MAP6D1: variants seen among roughly 807,000 people sequenced by gnomAD.
The protein encoded by MAP6D1 is MAP6 domain containing 1, also known as MAP6 domain-containing protein 1.
In MAP6D1, 13 loss-of-function variants were observed where a neutral mutation model predicts 17.4. The observed-to-expected ratio is 0.75, with a 90% CI of 0.49 to 1.19. The LOEUF is 1.19. Among genes scored for constraint, MAP6D1 ranks in the 50% most tolerant of loss-of-function variants. MAP6D1 has a pLI of 0.00. For missense variants in MAP6D1, 313 were observed against 312.6 expected, an observed-to-expected ratio of 1.00 and a Z score of -0.01; for synonymous variants, 141 against 145.7, an observed-to-expected ratio of 0.97 and a Z score of 0.23.
intron 1 of MAP6D1, among the ~76,000 whole-genome samples, chr3:183,820,772 T>C (rs1211917340): frequency 2.7e-5 from 4 of 150,204 alleles, no homozygotes; most frequent in Non-Finnish European, 5.9e-5. Context: ...CCAGGCATGG[T>C]GGCGGGCGCC....
chr3:183,823,682 G>A (rs1395406743), intron 1 of MAP6D1, among the ~76,000 whole-genome samples: 3 of 152,030 alleles, frequency 2.0e-5, no homozygotes, highest in African/African-American at 4.8e-5. Context: ...CCAGCTACTC[G>A]GGAGGCTGAG....
chr3:183,818,761 A>G lies in MAP6D1; in HGVS notation c.402-650T>C, dbSNP rs369312693. 1.4e-4 allele frequency among the ~76,000 whole-genome samples: 21 copies of G among 152,332 alleles called. 1 individual carries two copies. Among genetic ancestry groups the G allele is most frequent in the Admixed American group, 5.2e-4 (8 of 15,308 alleles). On this transcript the variant is annotated intron_variant, in intron 1 of 2. Coordinates refer to ENST00000318631, the MANE Select transcript of MAP6D1 (RefSeq NM_024871.4). ...GCAGTGACCATCTCAAAAGACTCCAAGGTGGCCTGGCCTTTGCACAGCTCT... is the reference window on the plus strand; with the variant it reads ...GCAGTGACCATCTCAAAAGACTCCAGGGTGGCCTGGCCTTTGCACAGCTCT...
At chr3:183,822,470 A>G (rs1234839057) in intron 1 of MAP6D1, among the ~76,000 whole-genome samples, 2 of 151,896 alleles carry the variant, frequency 1.3e-5, no homozygotes, top group Non-Finnish European at 2.9e-5. Flanking sequence ...CCCCCCAAAA[A>G]CCCAACTGTA....
chr3:183,816,343 G>C lies in MAP6D1; in HGVS notation c.*1013C>G, dbSNP rs975919519. The C allele has an allele frequency of 6.6e-6, 1 of 152,258 alleles. No homozygotes were observed. Among genetic ancestry groups the C allele is most frequent in the African/African-American group, 2.4e-5 (1 of 41,452 alleles). The allele number at this position is 152,258 out of a possible 1,614,324, so 9.4% of individuals were successfully genotyped here. On this transcript the variant is annotated 3_prime_UTR_variant, in exon 3 of 3. Transcript: ENST00000318631. ...CCTTACTGAAGACTGTCCTGAGCTTGTACCTCTAAGCTTTAAAAAGAGACG... is the reference window on the plus strand; with the variant it reads ...CCTTACTGAAGACTGTCCTGAGCTTCTACCTCTAAGCTTTAAAAAGAGACG...
At chr3:183,822,284 CACACACACA>C (rs1445807154) in intron 1 of MAP6D1, among the ~76,000 whole-genome samples, 6 of 143,876 alleles carry the variant, frequency 4.2e-5, no homozygotes, top group African/African-American at 1.3e-4. Context: ...CACACACACA[CACACACACA>C]AAACCCCACA....
At position 183,818,120 on chromosome 3, in the gene MAP6D1, G is replaced by A. The variant is rs142427683; in HGVS notation, c.402-9C>T. On this transcript the variant is annotated splice_polypyrimidine_tract_variant and intron_variant, in intron 1 of 2. Coordinates refer to ENST00000318631, the MANE Select transcript of MAP6D1 (RefSeq NM_024871.4). The stretch of plus-strand genomic sequence containing the variant: ...AAGCCTGGAATTCCTGTCTGGAACA[G>A]AGAACACGGTCACAAGCTTGCACAG... The A allele has an allele frequency of 1.9e-6, 3 of 1,611,206 alleles. No individual in the cohort carries two copies. The highest frequency in any genetic ancestry group is 1.1e-5 in the South Asian group (1 of 91,036).
At chr3:183,818,374 A>C (rs1400310494) in intron 1 of MAP6D1, among the ~76,000 whole-genome samples, 1 of 152,190 alleles carries the variant, frequency 6.6e-6, no homozygotes, top group Admixed American at 6.5e-5. Flanking sequence ...CCCGGTCCCT[A>C]AGGAAGTAGG....
At chr3:183,820,581 T>A (rs1560355568) in intron 1 of MAP6D1, 1 of 150,648 alleles carries the variant, frequency 6.6e-6, no homozygotes. Flanking sequence ...CTGGCCAACA[T>A]GGTGAAACCC....
At position 183,818,262 on chromosome 3, in the gene MAP6D1, C is replaced by T. The variant is rs1396818237; in HGVS notation, c.402-151G>A. 2.6e-5 allele frequency: 18 copies of T among 687,878 alleles called. 1 individual carries two copies. The highest frequency in any genetic ancestry group is 3.6e-5 in the Non-Finnish European group (14 of 393,082). 42.6% of individuals were successfully genotyped at this position (687,878 alleles called of 1,614,324 possible). On this transcript the variant is annotated intron_variant, in intron 1 of 2. Coordinates refer to ENST00000318631, the MANE Select transcript of MAP6D1 (RefSeq NM_024871.4). ...CCTCATCATCTTCCCAAAGACAGAA[C>T]TGGCAAGGCAAGTGCACTCCCGTGC...
chr3:183,825,441 A>T lies in MAP6D1; in HGVS notation c.107T>A (p.Leu36His). The T allele has an allele frequency of 6.9e-7, 1 of 1,439,852 alleles. No individual in the cohort carries two copies. The highest frequency in any genetic ancestry group is 9.1e-7 in the Non-Finnish European group (1 of 1,102,152). The allele number at this position is 1,439,852 out of a possible 1,614,324, so 89.2% of individuals were successfully genotyped here. A position where few individuals can be genotyped will look rare whatever the true frequency, so the allele number is the denominator to read the frequency against. Residue 36 changes from leucine (L) to histidine (H), a missense_variant, in exon 1 of 3, where the codon CTC becomes CAC. Transcript: ENST00000318631. ...GCCCGTGCCCGGCTCCTCGCTGTCG[A>T]GGTCCGAGTAGCCGTGCAGAGTGAG... ...VPLTLHGYSD[L>H]DSEEPGTGGA...
intron 2 of MAP6D1, 147 bp from the exon 3 acceptor site, chr3:183,817,583 C>A (rs978429315): frequency 1.4e-6 from 1 of 701,798 alleles, no homozygotes; most frequent in East Asian, 2.7e-5. Context: ...GACTTGCCCA[C>A]CGTGAGCCAT....
intron 1 of MAP6D1, among the ~76,000 whole-genome samples, chr3:183,823,683 G>T (rs1380151643): frequency 6.6e-6 from 1 of 152,182 alleles, no homozygotes; most frequent in African/African-American, 2.4e-5. Flanking sequence ...CAGCTACTCG[G>T]GAGGCTGAGG....
chr3:183,825,413 G>T lies in MAP6D1; in HGVS notation c.135C>A (p.Gly45=). The T allele has an allele frequency of 6.9e-7, 1 of 1,440,038 alleles. No homozygotes were observed. The highest frequency in any genetic ancestry group is 9.1e-7 in the Non-Finnish European group (1 of 1,101,724). The allele number at this position is 1,440,038 out of a possible 1,614,324, so 89.2% of individuals were successfully genotyped here. A position where few individuals can be genotyped will look rare whatever the true frequency, so the allele number is the denominator to read the frequency against. ...DLDSEEPGTG[G]AASRRGQPPA... ...GAGGCTGGCCCCTGCGCGAGGCGGC[G>T]CCGCCCGTGCCCGGCTCCTCGCTGT... Residue 45 remains glycine (G), a synonymous_variant, in exon 1 of 3, where the codon GGC becomes GGA. Transcript: ENST00000318631.
rs1479199329 is a variant in MAP6D1 at position 183,825,527 on chromosome 3, G to A, written c.21C>T (p.Ser7=). Residue 7 remains serine (S), a synonymous_variant, in exon 1 of 3, where the codon AGC becomes AGT. Coordinates refer to ENST00000318631, the MANE Select transcript of MAP6D1 (RefSeq NM_024871.4). The part of the protein sequence containing the change: MAWPCI[S]RLCCLARRWN... ...AGCGCCGCGCCAGGCAGCACAGGCG[G>A]CTGATACAGGGCCACGCCATGCCAG... 3 of 1,379,960 alleles carry A rather than the reference G, an allele frequency of 2.2e-6. No homozygotes were observed. Among genetic ancestry groups the A allele is most frequent in the African/African-American group, 1.5e-5 (1 of 65,988 alleles). 85.5% of individuals were successfully genotyped at this position (1,379,960 alleles called of 1,614,324 possible).
chr3:183,823,353 G>A (rs932113270), intron 1 of MAP6D1, among the ~76,000 whole-genome samples: 5 of 151,776 alleles, frequency 3.3e-5, no homozygotes, highest in African/African-American at 1.2e-4. Context: ...TGTAATCCCA[G>A]CACTTTGGGA....
rs60341893 is a variant in MAP6D1 at position 183,822,240 on chromosome 3, AACACACACAC to A, written c.401+2897_401+2906del. 8.4e-3 allele frequency among the ~76,000 whole-genome samples: 1,171 copies of A among 138,664 alleles called. 22 individuals carry two copies. The highest frequency in any genetic ancestry group is 0.04 in the Admixed American group (554 of 13,872). The allele number at this position is 138,664 out of a possible 152,430, so 91.0% of individuals were successfully genotyped here. On this transcript the variant is annotated intron_variant, in intron 1 of 2. Transcript: ENST00000318631. ...TGGGCAACATAAACCCCATCTCTAA[AACACACACAC>A]ACACACACACACACACACACACACA...
chr3:183,821,541 C>CTTTTTTT (rs59131602), intron 1 of MAP6D1, among the ~76,000 whole-genome samples: 12 of 98,108 alleles, frequency 1.2e-4, no homozygotes, highest in Admixed American at 1.3e-4. Context: ...TGAGGGATTG[C>CTTTTTTT]TTTTTTTTTT....
Position 183,817,298 on chromosome 3 carries a change from C to T in MAP6D1, c.*58G>A. ...CTCGCCCAGCCCCGCGGCAGTGGGT[C>T]CTGAGGCCGCTCCCCAGCCCTGTCC... On this transcript the variant is annotated 3_prime_UTR_variant, in exon 3 of 3. Coordinates refer to ENST00000318631, the MANE Select transcript of MAP6D1 (RefSeq NM_024871.4). 1 of 1,514,660 alleles carries T rather than the reference C, an allele frequency of 6.6e-7. No homozygotes were observed. The highest frequency in any genetic ancestry group is 9.0e-7 in the Non-Finnish European group (1 of 1,115,056). The allele number at this position is 1,514,660 out of a possible 1,614,324, so 93.8% of individuals were successfully genotyped here.
chr3:183,822,630 G>A (rs552536187), intron 1 of MAP6D1, among the ~76,000 whole-genome samples: 2 of 152,360 alleles, frequency 1.3e-5, no homozygotes, highest in South Asian at 4.1e-4. Flanking sequence ...TCATAGGTCG[G>A]CACTTTGTAA....
Sources: gnomAD v4.1 joint callset for allele counts (sites outside exome capture counted in the v4.1 genomes callset) on GRCh38, gnomAD v4.1.1 for gene constraint, MANE v1.5 for transcripts, NCBI Gene and HGNC (gene_info 2026-07-23, HGNC 2026-07-21) for gene names.